SORCS2: variants seen among roughly 807,000 people sequenced by gnomAD.
The protein encoded by SORCS2 is VPS10 domain-containing receptor SorCS2.
A neutral mutation model predicts 141.6 loss-of-function variants in SORCS2; 100 were observed. The observed-to-expected ratio is 0.71, with a 90% CI of 0.60 to 0.83. The LOEUF (loss-of-function observed/expected upper bound fraction) is 0.83. Among genes scored for constraint, SORCS2 ranks in the 40% least tolerant of loss-of-function variants. The pLI, the probability that SORCS2 is intolerant of heterozygous loss-of-function variation, is 0.00. For missense variants in SORCS2, 1,646 were observed against 1,560.2 expected (o/e 1.05, Z -0.93); for synonymous variants, 789 against 676.9 (o/e 1.17, Z -2.57).
intron 3 of SORCS2, among the ~76,000 whole-genome samples, chr4:7,546,436 A>G (rs913561877): frequency 6.6e-6 from 1 of 152,090 alleles, no homozygotes; most frequent in Non-Finnish European, 1.5e-5. Flanking sequence ...CCTCCCTGCC[A>G]TCTTTGCCTC....
chr4:7,702,603 G>A (rs922458527), intron 12 of SORCS2, among the ~76,000 whole-genome samples: 6 of 152,246 alleles, frequency 3.9e-5, no homozygotes, highest in African/African-American at 1.4e-4. Flanking sequence ...GGTAAGCCCT[G>A]TCCAGGCTAC....
chr4:7,634,678 G>A (rs887958394), intron 3 of SORCS2, among the ~76,000 whole-genome samples: 2 of 152,198 alleles, frequency 1.3e-5, no homozygotes, highest in Admixed American at 6.5e-5. Context: ...CACCCCTCAA[G>A]CGCGGGCTGT....
chr4:7,260,285 C>G (rs185783214), intron 1 of SORCS2, among the ~76,000 whole-genome samples: 1 of 152,302 alleles, frequency 6.6e-6, no homozygotes, highest in East Asian at 1.9e-4. Flanking sequence ...TGTGGCCACT[C>G]AAAGGGGTCT....
chr4:7,393,444 C>G (rs1453185633), intron 1 of SORCS2, among the ~76,000 whole-genome samples: 3 of 152,234 alleles, frequency 2.0e-5, no homozygotes, highest in African/African-American at 7.2e-5. Context: ...TTTGAAACTA[C>G]TTTTAATGGA....
chr4:7,686,778 G>A (rs915182537), intron 10 of SORCS2, among the ~76,000 whole-genome samples: 12 of 152,218 alleles, frequency 7.9e-5, no homozygotes, highest in Admixed American at 1.3e-4. Context: ...GTGGGAGTGC[G>A]TGTGTCAGAC....
intron 1 of SORCS2, among the ~76,000 whole-genome samples, chr4:7,237,964 T>C (rs1712403467): frequency 6.6e-6 from 1 of 152,164 alleles, no homozygotes; most frequent in African/African-American, 2.4e-5. Flanking sequence ...GCCAGAGTGC[T>C]CAGGAGTTCT....
chr4:7,488,427 C>G (rs1731122268), intron 2 of SORCS2, among the ~76,000 whole-genome samples: 1 of 152,222 alleles, frequency 6.6e-6, no homozygotes, highest in African/African-American at 2.4e-5. Context: ...AGAGAAGGAG[C>G]ACTTGTCCCC....
At chr4:7,458,769 A>C (rs561601510) in intron 2 of SORCS2, among the ~76,000 whole-genome samples, 5 of 151,844 alleles carry the variant, frequency 3.3e-5, no homozygotes, top group South Asian at 4.2e-4. Flanking sequence ...GGCCACCCCA[A>C]GGGGGTCCCG....
intron 4 of SORCS2, among the ~76,000 whole-genome samples, chr4:7,639,588 C>T (rs976447380): frequency 4.7e-5 from 7 of 147,642 alleles, no homozygotes; most frequent in Non-Finnish European, 7.5e-5. Context: ...TGTGGGAATG[C>T]GAGTGTGGGT....
intron 2 of SORCS2, among the ~76,000 whole-genome samples, chr4:7,414,063 G>A (rs1725501808): frequency 6.6e-6 from 1 of 152,214 alleles, no homozygotes; most frequent in South Asian, 2.1e-4. Context: ...TTCCTGGTGT[G>A]AATGTATCTC....
At chr4:7,275,367 C>A (rs184408217) in intron 1 of SORCS2, among the ~76,000 whole-genome samples, 147 of 152,288 alleles carry the variant, frequency 9.7e-4, no homozygotes, top group African/African-American at 3.3e-3. Flanking sequence ...CCAAATAAAC[C>A]TGAGCAATCA....
At chr4:7,455,447 G>A (rs1728832829) in intron 2 of SORCS2, among the ~76,000 whole-genome samples, 1 of 134,494 alleles carries the variant, frequency 7.4e-6, no homozygotes, top group Non-Finnish European at 1.6e-5. Context: ...TTGGGGTCAG[G>A]AGCTGTGTGT....
At chr4:7,624,421 A>G (rs4689807) in intron 3 of SORCS2, among the ~76,000 whole-genome samples, 90,851 of 152,182 alleles carry the variant, frequency 0.6, 28,205 homozygotes, top group East Asian at 0.84. Context: ...ATAAGAAAAC[A>G]TTAAGAATGG....
intron 7 of SORCS2, 22 bp from the exon 8 acceptor site, chr4:7,667,102 A>C (rs1409448214): frequency 6.2e-7 from 1 of 1,600,808 alleles, no homozygotes; most frequent in African/African-American, 1.3e-5. Context: ...CCTCTCAAAA[A>C]TGTGTTTCTT....
In SORCS2 at chr4:7,729,717, G is replaced by A. The variant is rs763749260; in HGVS notation, c.3108+5G>A. 24 of 1,610,162 alleles carry A rather than the reference G, an allele frequency of 1.5e-5. No individual in the cohort carries two copies. Among genetic ancestry groups the A allele is most frequent in the Non-Finnish European group, 2.0e-5 (24 of 1,178,238 alleles). ...AGGAGCCTCTCGAGTGATAAGGTAT[G>A]TCCTGTGGCCGCTGCACTCCCAGGT... On this transcript the variant is annotated splice_donor_5th_base_variant and intron_variant, in intron 23 of 26. Transcript: ENST00000507866.
At chr4:7,562,474 CAG>C (rs906771256) in intron 3 of SORCS2, among the ~76,000 whole-genome samples, 10 of 152,138 alleles carry the variant, frequency 6.6e-5, no homozygotes, top group African/African-American at 2.4e-4. Context: ...TACTCAAGAA[CAG>C]GGGTTGGCAA....
chr4:7,433,210 G>T, intron 2 of SORCS2: 8 of 1,212,394 alleles, frequency 6.6e-6, no homozygotes, highest in African/African-American at 1.5e-5. Context: ...CTCCTTCCCA[G>T]CCTCCCTCCT....
intron 2 of SORCS2, chr4:7,433,567 C>T: frequency 2.5e-6 from 4 of 1,611,680 alleles, no homozygotes; most frequent in South Asian, 1.1e-5. Context: ...GAAGTGCTTG[C>T]ACTGGATCAT....
intron 2 of SORCS2, among the ~76,000 whole-genome samples, chr4:7,525,120 CACTT>C (rs1484695118): frequency 6.6e-6 from 1 of 152,202 alleles, no homozygotes; most frequent in Non-Finnish European, 1.5e-5. Context: ...ATCATGGCTG[CACTT>C]ACTTATCTGA....
Sources: gnomAD v4.1 joint callset for allele counts (sites outside exome capture counted in the v4.1 genomes callset) on GRCh38, gnomAD v4.1.1 for gene constraint, MANE v1.5 for transcripts, NCBI Gene and HGNC (gene_info 2026-07-23, HGNC 2026-07-21) for gene names.